The following CNTLN variants were observed in gnomAD, a reference collection of about 807,000 sequenced individuals.
CNTLN encodes centlein, centrosomal protein.
CNTLN carries 212 observed loss-of-function variants against 180.0 expected under a neutral mutation model. That is an observed-to-expected ratio of 1.18 (90% CI 1.05 to 1.32). The LOEUF is 1.32. Ranked by LOEUF, CNTLN falls within the 40% of genes most tolerant of loss-of-function variation. The probability of loss-of-function intolerance (pLI) is 0.00; values close to 1 mark genes in which losing one functional copy is unlikely to be tolerated. For missense variants in CNTLN, 2,095 were observed against 1,610.9 expected, an observed-to-expected ratio of 1.30 and a Z score of -5.14; for synonymous variants, 722 against 563.1, an observed-to-expected ratio of 1.28 and a Z score of -3.99.
intron 5 of CNTLN, among the ~76,000 whole-genome samples, chr9:17,256,975 A>AT (rs925479687): frequency 3.9e-4 from 58 of 148,404 alleles, no homozygotes; most frequent in South Asian, 8.6e-4. Flanking sequence ...TTTGTTTAAC[A>AT]TTTTTTTTTT....
chr9:17,212,266 T>G (rs183586515), intron 2 of CNTLN, among the ~76,000 whole-genome samples: 5,221 of 152,188 alleles, frequency 0.034, 300 homozygotes, highest in African/African-American at 0.12. Flanking sequence ...TAGCATGAAG[T>G]GTTGTTGAAT....
chr9:17,459,405 T>A (rs1831324324), intron 19 of CNTLN, among the ~76,000 whole-genome samples: 1 of 151,696 alleles, frequency 6.6e-6, no homozygotes, highest in South Asian at 2.1e-4. Flanking sequence ...TTGTCCATAA[T>A]CTAACATAGA....
At chr9:17,468,986 T>C (rs1290578031) in intron 23 of CNTLN, among the ~76,000 whole-genome samples, 1 of 151,742 alleles carries the variant, frequency 6.6e-6, no homozygotes, top group Non-Finnish European at 1.5e-5. Context: ...GGAAAGATGA[T>C]AAATATGGAC....
intron 18 of CNTLN, among the ~76,000 whole-genome samples, chr9:17,445,968 G>A (rs1830388943): frequency 6.6e-6 from 1 of 152,234 alleles, no homozygotes; most frequent in Non-Finnish European, 1.5e-5. Flanking sequence ...CCTGCGGGCA[G>A]CAATACTGCT....
At chr9:17,317,325 GATAA>G (rs1367822873) in intron 8 of CNTLN, among the ~76,000 whole-genome samples, 14 of 152,188 alleles carry the variant, frequency 9.2e-5, no homozygotes, top group Admixed American at 9.2e-4. Context: ...CAGGTAAATA[GATAA>G]ATAGAAAATT....
intron 16 of CNTLN, among the ~76,000 whole-genome samples, chr9:17,410,809 A>G (rs1239788038): frequency 6.6e-6 from 1 of 152,086 alleles, no homozygotes; most frequent in East Asian, 1.9e-4. Context: ...CAAAGGTGCC[A>G]CCTTTATTGT....
At chr9:17,347,460 G>T (rs1449322086) in intron 12 of CNTLN, among the ~76,000 whole-genome samples, 1 of 152,102 alleles carries the variant, frequency 6.6e-6, no homozygotes, top group African/African-American at 2.4e-5. Flanking sequence ...CTTGAGGTCA[G>T]GGGTTCGAGA....
At chr9:17,140,402 C>G (rs1203178264) in intron 1 of CNTLN, among the ~76,000 whole-genome samples, 1 of 151,880 alleles carries the variant, frequency 6.6e-6, no homozygotes, top group Non-Finnish European at 1.5e-5. Flanking sequence ...TTTAAGTGCT[C>G]TCATCACAAA....
chr9:17,476,325 C>T (rs557334998), intron 23 of CNTLN, among the ~76,000 whole-genome samples: 5 of 152,248 alleles, frequency 3.3e-5, no homozygotes, highest in African/African-American at 1.2e-4. Context: ...AACAATATTG[C>T]AGTTAGGCCA....
intron 5 of CNTLN, among the ~76,000 whole-genome samples, chr9:17,245,974 C>T (rs1424235886): frequency 6.6e-6 from 1 of 152,038 alleles, no homozygotes; most frequent in South Asian, 2.1e-4. Flanking sequence ...TTCCTCAAAG[C>T]AACTATTTTG....
At chr9:17,307,162 A>AT (rs1381282087) in intron 7 of CNTLN, among the ~76,000 whole-genome samples, 2 of 152,300 alleles carry the variant, frequency 1.3e-5, no homozygotes, top group Non-Finnish European at 2.9e-5. Flanking sequence ...GATGTTCTAA[A>AT]TTTTTTTATA....
Position 17,284,858 on chromosome 9 carries a change from A to G in CNTLN, c.983+10992A>G, listed in dbSNP as rs1828883439. Among the ~76,000 whole-genome samples the G allele has an allele frequency of 1.3e-5, 2 of 151,936 alleles. 1 individual carries two copies. Among genetic ancestry groups the G allele is most frequent in the Admixed American group, 1.3e-4 (2 of 15,242 alleles). On this transcript the variant is annotated intron_variant, in intron 6 of 25. Transcript: ENST00000380647. Reference sequence around the variant, plus strand: ...TTTTAGTTTTGATGTTAGGGTGTCAACTTGAGATTTTTCTAGCTTTTTGAT... The same window carrying G: ...TTTTAGTTTTGATGTTAGGGTGTCAGCTTGAGATTTTTCTAGCTTTTTGAT...
chr9:17,202,903 A>C (rs1554656519), intron 2 of CNTLN, among the ~76,000 whole-genome samples: 2 of 151,874 alleles, frequency 1.3e-5, no homozygotes, highest in South Asian at 4.2e-4. Flanking sequence ...TATTTTGTGC[A>C]TTAGGTGATG....
rs117179190 is a variant in CNTLN, at chr9:17,344,790, A to G, written c.1886+2346A>G. ...TGTTGAATGTTTAATGTGCAATTTT[A>G]TGAGTTATATCATATATATAAATTT... On this transcript the variant is annotated intron_variant, in intron 12 of 25. Coordinates refer to ENST00000380647, the MANE Select transcript of CNTLN (RefSeq NM_017738.4). Among the ~76,000 whole-genome samples, 14 of 152,292 alleles carry G rather than the reference A, an allele frequency of 9.2e-5. No homozygotes were observed. The East Asian group carries it at 2.7e-3, about 29-fold the overall frequency.
intron 13 of CNTLN, among the ~76,000 whole-genome samples, chr9:17,375,875 T>C (rs1442741348): frequency 6.6e-6 from 1 of 152,222 alleles, no homozygotes; most frequent in Non-Finnish European, 1.5e-5. Context: ...ATATTTCGTA[T>C]ATAACTTCAG....
chr9:17,200,283 C>A (rs1262960786), intron 2 of CNTLN, among the ~76,000 whole-genome samples: 1 of 152,138 alleles, frequency 6.6e-6, no homozygotes, highest in Non-Finnish European at 1.5e-5. Flanking sequence ...GGGCCTCCAA[C>A]TTTGTTCTTT....
rs749883685 is a variant in CNTLN at position 17,457,705 on chromosome 9, A to G, written c.3296A>G (p.Tyr1099Cys). The change falls in exon 19 of 26, where the codon TAT becomes TGT. Residue 1099 changes from tyrosine to cysteine, a missense_variant. By Grantham distance (194) the Tyr-to-Cys change is radical. Coordinates refer to ENST00000380647, the MANE Select transcript of CNTLN (RefSeq NM_017738.4). ...SMDLEMKQLQYKLKNATNELT... is the reference protein window; with the variant it reads ...SMDLEMKQLQCKLKNATNELT... ...GATTTGGAAATGAAGCAATTGCAGT[A>G]TAAACTAAAGGTGATTATAAAATTT... is the stretch of plus-strand genomic sequence containing the variant. 2.0e-6 allele frequency: 3 copies of G among 1,483,938 alleles called. No homozygotes were observed. Among genetic ancestry groups the G allele is most frequent in the African/African-American group, 1.4e-5 (1 of 70,014 alleles). 91.9% of individuals were successfully genotyped at this position (1,483,938 alleles called of 1,614,324 possible).
At chr9:17,460,450 G>A (rs1831385936) in intron 19 of CNTLN, among the ~76,000 whole-genome samples, 1 of 151,692 alleles carries the variant, frequency 6.6e-6, no homozygotes, top group African/African-American at 2.4e-5. Context: ...ATATTGTATA[G>A]TAGGGAATGG....
At chr9:17,252,378 T>C (rs1826196463) in intron 5 of CNTLN, among the ~76,000 whole-genome samples, 1 of 151,786 alleles carries the variant, frequency 6.6e-6, no homozygotes, top group African/African-American at 2.4e-5. Flanking sequence ...AGTTCTGTTA[T>C]ATACGCTGTT....
Sources: gnomAD v4.1 joint callset for allele counts (sites outside exome capture counted in the v4.1 genomes callset) on GRCh38, gnomAD v4.1.1 for gene constraint, MANE v1.5 for transcripts, NCBI Gene and HGNC (gene_info 2026-07-23, HGNC 2026-07-21) for gene names.